FLACC1: variants seen among roughly 807,000 people sequenced by gnomAD.
FLACC1 encodes flagellum associated containing coiled-coil domains 1, also known as flagellum-associated coiled-coil domain-containing protein 1.
Under a neutral mutation model 62.8 loss-of-function variants are expected in FLACC1, and 66 were observed. The ratio of observed to expected loss-of-function variants is 1.05; its 90% CI spans 0.86 to 1.29. The LOEUF (loss-of-function observed/expected upper bound fraction) is 1.29, where lower values mean the gene tolerates loss of function less well. FLACC1 is among the 50% of genes most tolerant of loss of function. The pLI is 0.00. For synonymous variants in FLACC1, 156 were observed against 161.0 expected, an observed-to-expected ratio of 0.97 and a Z score of 0.24; for missense variants, 452 against 489.1, an observed-to-expected ratio of 0.92 and a Z score of 0.71.
At chr2:201,291,387 G>A (rs1949731428) in intron 12 of FLACC1, among the ~76,000 whole-genome samples, 1 of 152,228 alleles carries the variant, frequency 6.6e-6, no homozygotes, top group Non-Finnish European at 1.5e-5. Flanking sequence ...CTGTTCTGCA[G>A]CCTCCGCTGC....
intron 12 of FLACC1, among the ~76,000 whole-genome samples, chr2:201,295,017 A>G (rs1023469566): frequency 2.6e-5 from 4 of 152,232 alleles, no homozygotes; most frequent in Admixed American, 6.5e-5. Context: ...AAAAGAGGAT[A>G]CAAACAAATG....
chr2:201,336,033 T>G (rs1185941139), intron 7 of FLACC1, among the ~76,000 whole-genome samples: 1 of 152,204 alleles, frequency 6.6e-6, no homozygotes, highest in Non-Finnish European at 1.5e-5. Flanking sequence ...TAGGGGTACA[T>G]GTACATGTAT....
chr2:201,305,206 C>G (rs1485753357), intron 11 of FLACC1, among the ~76,000 whole-genome samples: 2 of 152,080 alleles, frequency 1.3e-5, no homozygotes, highest in Non-Finnish European at 2.9e-5. Context: ...CTAATATCCA[C>G]AATCTACTAA....
chr2:201,345,452 G>T (rs1160278437), intron 5 of FLACC1, among the ~76,000 whole-genome samples: 2 of 90,456 alleles, frequency 2.2e-5, no homozygotes, highest in African/African-American at 1.2e-4. Context: ...GTAGATGATT[G>T]TGTGTGTGTG....
At chr2:201,321,494 C>CA (rs2125581495) in intron 9 of FLACC1, among the ~76,000 whole-genome samples, 1 of 152,298 alleles carries the variant, frequency 6.6e-6, no homozygotes, top group Admixed American at 6.5e-5. Context: ...ACAACCCCCC[C>CA]ACCCATTGTC....
chr2:201,347,262 CTG>C (rs1950934567), intron 4 of FLACC1, among the ~76,000 whole-genome samples: 1 of 152,238 alleles, frequency 6.6e-6, no homozygotes, highest in African/African-American at 2.4e-5. Context: ...GGCTGGGGCT[CTG>C]AGAGCTGCGC....
At chr2:201,304,194 C>T (rs1389695255) in intron 11 of FLACC1, among the ~76,000 whole-genome samples, 1 of 152,162 alleles carries the variant, frequency 6.6e-6, no homozygotes. Flanking sequence ...ATCATCTCTG[C>T]CCAAAATCTC....
chr2:201,299,224 A>C lies in FLACC1; in HGVS notation c.942+14T>G, dbSNP rs752858823. ...TAATATACCAAGTCCACAGGAAAGG[A>C]TGAAAAAGCTTACCTCTTTGGTTTT... On this transcript the variant is annotated intron_variant, in intron 12 of 14. Transcript: ENST00000392257. 1 of 1,612,054 alleles carries C rather than the reference A, an allele frequency of 6.2e-7. No homozygotes were observed. Among genetic ancestry groups the C allele is most frequent in the South Asian group, 1.1e-5 (1 of 90,932 alleles).
Position 201,289,560 on chromosome 2 carries a change from T to C in FLACC1, c.1039A>G (p.Ile347Val), listed in dbSNP as rs746144112. 3 of 1,614,162 alleles carry C rather than the reference T, an allele frequency of 1.9e-6. No homozygotes were observed. Among genetic ancestry groups the C allele is most frequent in the African/African-American group, 2.7e-5 (2 of 75,054 alleles). ...TQLELQKEKA[I>V]VGNLEKMLQT... Reference sequence around the variant, plus strand: ...AGCATTTTCTCCAGATTTCCCACTATAGCTTTCTGAAAGACATACATTTTA... The same window carrying C: ...AGCATTTTCTCCAGATTTCCCACTACAGCTTTCTGAAAGACATACATTTTA... The change falls in exon 14 of 15, where the codon ATA becomes GTA. Residue 347 changes from isoleucine (I) to valine (V), a missense_variant. Coordinates refer to ENST00000392257, the MANE Select transcript of FLACC1 (RefSeq NM_001127391.3).
chr2:201,310,684 A>C (rs1277552719), intron 9 of FLACC1, among the ~76,000 whole-genome samples: 2 of 152,210 alleles, frequency 1.3e-5, no homozygotes, highest in Non-Finnish European at 2.9e-5. Context: ...AGAGTGATAC[A>C]TTCTTTTTGG....
chr2:201,296,484 G>A (rs906037235), intron 12 of FLACC1, among the ~76,000 whole-genome samples: 4 of 142,412 alleles, frequency 2.8e-5, no homozygotes, highest in Admixed American at 7.4e-5. Flanking sequence ...GACACAGGAA[G>A]GGGAACATCA....
intron 10 of FLACC1, among the ~76,000 whole-genome samples, 171 bp downstream of exon 10, chr2:201,308,976 TACCC>T (rs1950159293): frequency 6.6e-6 from 1 of 152,172 alleles, no homozygotes; most frequent in Non-Finnish European, 1.5e-5. Flanking sequence ...AAAAAGACCC[TACCC>T]TTGTTGTCAT....
rs1441645486 is a variant in FLACC1, at chr2:201,288,397, C to G, written c.*258G>C. ...TCAGTTTCTTTCTAACGAAATACGTCAAGGTAGAAGAAAAATAGTACAAAA... is the reference window on the plus strand; with the variant it reads ...TCAGTTTCTTTCTAACGAAATACGTGAAGGTAGAAGAAAAATAGTACAAAA... On this transcript the variant is annotated 3_prime_UTR_variant, in exon 15 of 15. Transcript: ENST00000392257. The G allele has an allele frequency of 2.9e-6, 1 of 341,024 alleles. No homozygotes were observed. Among genetic ancestry groups the G allele is most frequent in the Non-Finnish European group, 5.3e-6 (1 of 189,466 alleles). The allele number at this position is 341,024 out of a possible 1,614,324, so 21.1% of individuals were successfully genotyped here. A position where few individuals can be genotyped will look rare whatever the true frequency, so the allele number is the denominator to read the frequency against.
intron 11 of FLACC1, among the ~76,000 whole-genome samples, chr2:201,306,006 C>T (rs1308961575): frequency 6.6e-6 from 1 of 151,488 alleles, no homozygotes; most frequent in African/African-American, 2.4e-5. Flanking sequence ...ATGGGTGCAG[C>T]ACACCAACAT....
chr2:201,288,429 G>A lies in FLACC1; in HGVS notation c.*226C>T, dbSNP rs184312053. On this transcript the variant is annotated 3_prime_UTR_variant, in exon 15 of 15. Coordinates refer to ENST00000392257, the MANE Select transcript of FLACC1 (RefSeq NM_001127391.3). ...GAAGAAAAATAGTACAAAACTCAGA[G>A]AAAGCTCAGCTCCCAGTATGGAGAG... 1.6e-4 allele frequency: 66 copies of A among 422,926 alleles called. No individual in the cohort carries two copies. In the East Asian group the frequency reaches 2.1e-3, roughly 13 times the overall value. The allele number at this position is 422,926 out of a possible 1,614,324, so 26.2% of individuals were successfully genotyped here.
At chr2:201,344,962 G>A (rs1950883337) in intron 5 of FLACC1, among the ~76,000 whole-genome samples, 1 of 152,190 alleles carries the variant, frequency 6.6e-6, no homozygotes. Flanking sequence ...TACAGGAGGA[G>A]ACAGTTCAAG....
chr2:201,348,417 T>C, intron 3 of FLACC1, 115 bp from the exon 4 acceptor site: 3 of 1,053,530 alleles, frequency 2.8e-6, no homozygotes, highest in Non-Finnish European at 4.1e-6. Context: ...CCTGACCTTC[T>C]TAGGGGATCC....
At chr2:201,358,817 TC>T (rs1262343229), upstream of FLACC1, among the ~76,000 whole-genome samples, 6 of 152,286 alleles carry the variant, frequency 3.9e-5, no homozygotes, top group East Asian at 1.2e-3. Flanking sequence ...TGCTTCGGCC[TC>T]CCAAAGTGCT....
At position 201,301,207 on chromosome 2, in the gene FLACC1, T is replaced by C. The variant is rs139472358; in HGVS notation, c.880-1907A>G. On this transcript the variant is annotated intron_variant, in intron 11 of 14. Transcript: ENST00000392257. ...AAAAAAGATTGGATGAATGACTAAC[T>C]AGAAAAAACAGTGTAGAGAAGTCCT... Among the ~76,000 whole-genome samples, 1,460 of 152,104 alleles carry C rather than the reference T, an allele frequency of 9.6e-3. 29 individuals are homozygous for C. The highest frequency in any genetic ancestry group is 0.034 in the African/African-American group (1,399 of 41,470).
Sources: gnomAD v4.1 joint callset for allele counts (sites outside exome capture counted in the v4.1 genomes callset) on GRCh38, gnomAD v4.1.1 for gene constraint, MANE v1.5 for transcripts, NCBI Gene and HGNC (gene_info 2026-07-23, HGNC 2026-07-21) for gene names.